RFC3: variants seen among roughly 807,000 people sequenced by gnomAD.
The protein encoded by RFC3 is replication factor C subunit 3.
In RFC3, 41 loss-of-function variants were observed where a neutral mutation model predicts 45.1. That is an observed-to-expected ratio of 0.91 (90% CI 0.71 to 1.18). The LOEUF (loss-of-function observed/expected upper bound fraction) is 1.18. RFC3 is among the 50% of genes most tolerant of loss of function. RFC3 has a pLI of 0.00. For missense variants in RFC3, 423 were observed against 428.1 expected, an observed-to-expected ratio of 0.99 and a Z score of 0.10; for synonymous variants, 149 against 144.0, an observed-to-expected ratio of 1.03 and a Z score of -0.25.
intron 8 of RFC3, among the ~76,000 whole-genome samples, chr13:33,852,488 G>A (rs1164532384): frequency 2.0e-5 from 3 of 152,088 alleles, no homozygotes; most frequent in Non-Finnish European, 4.4e-5. Context: ...ATCTCAACTT[G>A]TTCTAAGCAG....
At chr13:33,878,776 A>C (rs1203275814) in intron 8 of RFC3, among the ~76,000 whole-genome samples, 1 of 152,080 alleles carries the variant, frequency 6.6e-6, no homozygotes, top group Non-Finnish European at 1.5e-5. Flanking sequence ...AGCTTCCATG[A>C]GCTTATCTGC....
At chr13:33,965,390 C>T (rs1199977674) in intron 8 of RFC3, among the ~76,000 whole-genome samples, 2 of 152,228 alleles carry the variant, frequency 1.3e-5, no homozygotes, top group Admixed American at 6.5e-5. Flanking sequence ...GTATTCAGTA[C>T]AGTAACATAC....
rs554500953 is a variant in RFC3, at chr13:33,857,280, G to C, written c.879+22063G>C. Among the ~76,000 whole-genome samples the C allele has an allele frequency of 3.9e-5, 6 of 152,270 alleles. No individual in the cohort carries two copies. In the South Asian group the frequency reaches 1.2e-3, roughly 32 times the overall value. ...CATGCTACATTAGACAGTATGCCTG[G>C]ACATAATTTTGGACAGAAAATAGAA... On this transcript the variant is annotated intron_variant, in intron 8 of 8. Coordinates refer to the RFC3 transcript ENST00000434425.
rs191977214 is a variant in RFC3, at chr13:33,897,147, C to T, written c.879+61930C>T. Reference sequence around the variant, plus strand: ...ACTATAGTGTGCAATCCATTTATAACTCTAGTTTGAAACTCCAAAGACAAA... The same window carrying T: ...ACTATAGTGTGCAATCCATTTATAATTCTAGTTTGAAACTCCAAAGACAAA... On this transcript the variant is annotated intron_variant, in intron 8 of 8. Transcript: ENST00000434425. Among the ~76,000 whole-genome samples the T allele has an allele frequency of 5.1e-3, 770 of 152,182 alleles. 3 individuals carry two copies. The highest frequency in any genetic ancestry group is 8.1e-3 in the Non-Finnish European group (549 of 67,986).
chr13:33,933,336 C>G (rs1205017443), intron 8 of RFC3, among the ~76,000 whole-genome samples: 1 of 152,088 alleles, frequency 6.6e-6, no homozygotes, highest in African/African-American at 2.4e-5. Flanking sequence ...TGGGAATGAG[C>G]TCCTATTGTG....
chr13:33,966,390 T>A (rs1359825896), exon 9 of RFC3: 1 of 486,116 alleles, frequency 2.1e-6, no homozygotes, highest in Non-Finnish European at 3.7e-6. Flanking sequence ...GATGAACTCA[T>A]GTCTTTCTCA....
downstream of RFC3, among the ~76,000 whole-genome samples, chr13:33,970,226 G>T (rs867019197): frequency 1.6e-4 from 25 of 152,222 alleles, no homozygotes; most frequent in African/African-American, 6.0e-4. Context: ...GAGGATAATG[G>T]CTTCCAGCTC....
At chr13:33,896,751 A>T (rs2082602034) in intron 8 of RFC3, among the ~76,000 whole-genome samples, 1 of 149,818 alleles carries the variant, frequency 6.7e-6, no homozygotes, top group African/African-American at 2.5e-5. Context: ...AAAGCAAGTA[A>T]CATATAAAGA....
At chr13:33,842,388 C>G (rs534551182), downstream of RFC3, among the ~76,000 whole-genome samples, 15 of 152,330 alleles carry the variant, frequency 9.8e-5, no homozygotes, top group Non-Finnish European at 1.9e-4. Context: ...CCATCCTACT[C>G]CATCCCACCT....
chr13:33,927,088 A>G (rs549117174), intron 8 of RFC3, among the ~76,000 whole-genome samples: 1 of 152,174 alleles, frequency 6.6e-6, no homozygotes, highest in African/African-American at 2.4e-5. Flanking sequence ...CATTCTTGAA[A>G]TCTCACCCAA....
chr13:33,820,255 A>G (rs1474525927), intron 1 of RFC3, among the ~76,000 whole-genome samples: 1 of 152,214 alleles, frequency 6.6e-6, no homozygotes, highest in Non-Finnish European at 1.5e-5. Flanking sequence ...TCTTGCTTTT[A>G]AGTGCACACA....
At chr13:33,900,586 G>A (rs1234310364) in intron 8 of RFC3, among the ~76,000 whole-genome samples, 1 of 151,774 alleles carries the variant, frequency 6.6e-6, no homozygotes, top group African/African-American at 2.4e-5. Context: ...ATTAGTAGAA[G>A]AAAACTCTGG....
intron 8 of RFC3, among the ~76,000 whole-genome samples, chr13:33,865,661 T>C: frequency 6.6e-6 from 1 of 152,218 alleles, no homozygotes; most frequent in East Asian, 1.9e-4. Context: ...GGATTCAATG[T>C]ACTAGACCAA....
intron 8 of RFC3, among the ~76,000 whole-genome samples, chr13:33,844,751 G>A (rs1354506833): frequency 6.6e-6 from 1 of 152,056 alleles, no homozygotes; most frequent in Non-Finnish European, 1.5e-5. Context: ...CTGAAAAGTT[G>A]TTGTAGTTAT....
chr13:33,855,399 A>G (rs1338693019), intron 8 of RFC3, among the ~76,000 whole-genome samples: 3 of 152,066 alleles, frequency 2.0e-5, no homozygotes, highest in Non-Finnish European at 4.4e-5. Flanking sequence ...ATTTAGGTTG[A>G]TTCCATGTCT....
chr13:33,838,928 A>G (rs1259706220), downstream of RFC3, among the ~76,000 whole-genome samples: 2 of 151,966 alleles, frequency 1.3e-5, no homozygotes, highest in Non-Finnish European at 1.5e-5. Flanking sequence ...CTTAGATGTC[A>G]GCTGTGTAAT....
chr13:33,965,457 G>T (rs969360656), intron 8 of RFC3, among the ~76,000 whole-genome samples: 1 of 152,160 alleles, frequency 6.6e-6, no homozygotes, highest in African/African-American at 2.4e-5. Flanking sequence ...TGTGTAGTAG[G>T]CTATCCTATG....
chr13:33,935,636 A>G (rs963396991), intron 8 of RFC3, among the ~76,000 whole-genome samples: 16 of 152,196 alleles, frequency 1.1e-4, no homozygotes, highest in Non-Finnish European at 2.9e-5. Flanking sequence ...GATTTTCACC[A>G]TAATTCACCT....
intron 8 of RFC3, among the ~76,000 whole-genome samples, chr13:33,931,477 A>T (rs1300878043): frequency 1.3e-5 from 2 of 152,112 alleles, no homozygotes; most frequent in Non-Finnish European, 2.9e-5. Context: ...TGAGTGTGAG[A>T]CAAGATATTA....
Sources: allele counts gnomAD v4.1 joint callset (sites outside exome capture counted in the v4.1 genomes callset), GRCh38; gene constraint gnomAD v4.1.1; transcripts MANE v1.5; gene names NCBI Gene and HGNC (gene_info 2026-07-23, HGNC 2026-07-21).